The following TMTC1 variants were observed in gnomAD, a reference collection of about 807,000 sequenced individuals.
TMTC1 encodes the protein transmembrane O-mannosyltransferase targeting cadherins 1.
Under a neutral mutation model 104.8 loss-of-function variants are expected in TMTC1, and 73 were observed. The observed-to-expected ratio is 0.70, with a 90% CI of 0.58 to 0.85. TMTC1 has a LOEUF of 0.85. Ranked by LOEUF, TMTC1 falls within the 40% of genes least tolerant of loss-of-function variation. The probability of loss-of-function intolerance (pLI) is 0.00; values close to 1 mark genes in which losing one functional copy is unlikely to be tolerated. For missense variants in TMTC1, 1,035 were observed against 1,096.1 expected (o/e 0.94, Z 0.79); for synonymous variants, 434 against 428.7 (o/e 1.01, Z -0.15).
At chr12:29,589,825 G>A (rs755100619) in intron 7 of TMTC1, among the ~76,000 whole-genome samples, 3 of 152,214 alleles carry the variant, frequency 2.0e-5, no homozygotes, top group Non-Finnish European at 2.9e-5. Flanking sequence ...GGGCATGCGG[G>A]CAAGGACAGT....
intron 5 of TMTC1, chr12:29,666,197 C>T (rs1295549521): frequency 4.6e-6 from 2 of 430,734 alleles, no homozygotes; most frequent in Admixed American, 2.8e-5. Flanking sequence ...AAACATCTAC[C>T]CCTTTTCTTT....
intron 5 of TMTC1, among the ~76,000 whole-genome samples, chr12:29,718,309 C>A (rs1942140624): frequency 6.6e-6 from 1 of 152,152 alleles, no homozygotes; most frequent in Non-Finnish European, 1.5e-5. Context: ...CTGTGCAGGG[C>A]AGCTAAGATT....
At chr12:29,541,072 A>G (rs1944784503) in intron 10 of TMTC1, among the ~76,000 whole-genome samples, 1 of 152,198 alleles carries the variant, frequency 6.6e-6, no homozygotes, top group Admixed American at 6.5e-5. Flanking sequence ...AAATCTCCTT[A>G]AATGTTTTCC....
intron 5 of TMTC1, among the ~76,000 whole-genome samples, chr12:29,708,455 A>G (rs1941811410): frequency 6.6e-6 from 1 of 152,224 alleles, no homozygotes. Flanking sequence ...AGATCATCCA[A>G]AACACTAGCT....
intron 11 of TMTC1, among the ~76,000 whole-genome samples, chr12:29,522,944 C>T (rs1165150108): frequency 3.3e-5 from 5 of 152,222 alleles, no homozygotes; most frequent in Admixed American, 1.3e-4. Flanking sequence ...GTTTATCATG[C>T]TGGTCTTTAT....
intron 8 of TMTC1, among the ~76,000 whole-genome samples, chr12:29,576,503 A>G (rs1369886150): frequency 6.6e-6 from 1 of 152,220 alleles, no homozygotes; most frequent in East Asian, 1.9e-4. Context: ...CCTGAGGGAC[A>G]CTATGCTAAG....
At chr12:29,597,707 A>C (rs183009857) in intron 7 of TMTC1, among the ~76,000 whole-genome samples, 1 of 152,264 alleles carries the variant, frequency 6.6e-6, no homozygotes, top group African/African-American at 2.4e-5. Flanking sequence ...GCTGAATCAC[A>C]AAACAGTTAA....
intron 5 of TMTC1, among the ~76,000 whole-genome samples, chr12:29,698,191 C>T (rs1941480404): frequency 1.3e-5 from 2 of 152,316 alleles, no homozygotes; most frequent in South Asian, 4.1e-4. Flanking sequence ...AATGTAACCA[C>T]ATCTGGACAG....
intron 5 of TMTC1, among the ~76,000 whole-genome samples, chr12:29,640,254 A>G (rs981235970): frequency 6.6e-6 from 1 of 152,348 alleles, no homozygotes; most frequent in South Asian, 2.1e-4. Flanking sequence ...GGCGGAGACT[A>G]TTTTTAAAAT....
rs146198603 is a variant in TMTC1, at chr12:29,611,095, A to T, written c.1129-6796T>A. On this transcript the variant is annotated intron_variant, in intron 6 of 17. Coordinates refer to ENST00000539277, the MANE Select transcript of TMTC1 (RefSeq NM_001193451.2). ...CCAAGAGGCACTGCCAGATGTACTA[A>T]TGAACAGAGCACCGAAGGCCGATTA... 6.1e-4 allele frequency among the ~76,000 whole-genome samples: 93 copies of T among 152,296 alleles called. 1 individual carries two copies. The highest frequency in any genetic ancestry group is 2.0e-3 in the African/African-American group (83 of 41,548).
In TMTC1 at chr12:29,783,261, GAGCCCAGATTAGCCGGGC is replaced by G. The variant is rs1219755098; in HGVS notation, c.302+171_302+188del. The stretch of plus-strand genomic sequence containing the variant: ...GCCGGCGCCTCCCGAACCGCCCCGA[GAGCCCAGATTAGCCGGGC>G]AGTGGATCCCGGAGCAAAGTGCCAT... On this transcript the variant is annotated intron_variant, in intron 1 of 17. Coordinates refer to ENST00000539277, the MANE Select transcript of TMTC1 (RefSeq NM_001193451.2). This position sits in a 1 kb window ranked among gnomAD's most constrained non-coding sequence, Gnocchi z 4.7. Among the ~76,000 whole-genome samples, 2 of 152,166 alleles carry G rather than the reference GAGCCCAGATTAGCCGGGC, an allele frequency of 1.3e-5. No homozygotes were observed. The highest frequency in any genetic ancestry group is 2.9e-5 in the Non-Finnish European group (2 of 68,032).
intron 6 of TMTC1, among the ~76,000 whole-genome samples, chr12:29,607,121 G>A (rs184762321): frequency 3.9e-5 from 6 of 152,310 alleles, no homozygotes; most frequent in African/African-American, 1.2e-4. Context: ...ACAGGGCTGC[G>A]TGTTCATCTG....
intron 5 of TMTC1, among the ~76,000 whole-genome samples, chr12:29,715,930 G>C (rs1013453009): frequency 1.3e-5 from 2 of 151,756 alleles, no homozygotes; most frequent in Admixed American, 1.3e-4. Flanking sequence ...ACAACATGTG[G>C]GGATTATGGG....
intron 2 of TMTC1, among the ~76,000 whole-genome samples, chr12:29,761,651 CA>C (rs573389310): frequency 2.7e-4 from 41 of 151,038 alleles, no homozygotes; most frequent in African/African-American, 9.2e-4. Context: ...AAAAATGCTC[CA>C]AAGAACAGGT....
intron 6 of TMTC1, 69 bp from the exon 7 acceptor site, chr12:29,604,368 C>T: frequency 6.3e-7 from 1 of 1,595,022 alleles, no homozygotes; most frequent in Non-Finnish European, 8.6e-7. Flanking sequence ...ATTTAACCAT[C>T]TCCTTCACTT....
At position 29,502,337 on chromosome 12, in the gene TMTC1, A is replaced by AGTT. The variant is rs1329250056; in HGVS notation, c.*4506_*4508dup. On this transcript the variant is annotated 3_prime_UTR_variant, in exon 18 of 18. Coordinates refer to ENST00000539277, the MANE Select transcript of TMTC1 (RefSeq NM_001193451.2). ...TGAATCCACCACAAATCAAAGCAAA[A>AGTT]GTTTTTTTTTTTTTCAAAAACAGAT... 1 of 108,470 alleles carries AGTT rather than the reference A, an allele frequency of 9.2e-6. No homozygotes were observed. Among genetic ancestry groups the AGTT allele is most frequent in the African/African-American group, 4.1e-5 (1 of 24,154 alleles). The allele number at this position is 108,470 out of a possible 1,614,324, so 6.7% of individuals were successfully genotyped here.
chr12:29,732,079 T>A (rs1316716730), intron 5 of TMTC1, among the ~76,000 whole-genome samples: 1 of 152,180 alleles, frequency 6.6e-6, no homozygotes, highest in Non-Finnish European at 1.5e-5. Flanking sequence ...AACTTTTTTT[T>A]AAAAGACCCT....
intron 5 of TMTC1, among the ~76,000 whole-genome samples, chr12:29,674,450 CA>C (rs1238489070): frequency 6.6e-6 from 1 of 152,152 alleles, no homozygotes; most frequent in Admixed American, 6.5e-5. Flanking sequence ...TAAAGGAATG[CA>C]GCTAGGATTA....
chr12:29,594,354 TC>T (rs1444038324), intron 7 of TMTC1, among the ~76,000 whole-genome samples: 1 of 152,244 alleles, frequency 6.6e-6, no homozygotes, highest in Non-Finnish European at 1.5e-5. Flanking sequence ...TGCTGTCCTC[TC>T]CTCTAGTCCC....
Sources: gnomAD v4.1 joint callset for allele counts (sites outside exome capture counted in the v4.1 genomes callset) on GRCh38, gnomAD v4.1.1 for gene constraint, Gnocchi (gnomAD v3.1) non-coding constraint, MANE v1.5 for transcripts, NCBI Gene and HGNC (gene_info 2026-07-23, HGNC 2026-07-21) for gene names.